PHF21B: variants seen among roughly 807,000 people sequenced by gnomAD.
The protein encoded by PHF21B is PHD finger protein 4.
PHF21B carries 22 observed loss-of-function variants against 62.2 expected under a neutral mutation model. The ratio of observed to expected loss-of-function variants is 0.35; its 90% CI spans 0.25 to 0.51. PHF21B has a LOEUF of 0.51. Among genes scored for constraint, PHF21B ranks in the 20% least tolerant of loss-of-function variants. PHF21B has a pLI of 0.97. For synonymous variants in PHF21B, 341 were observed against 314.7 expected, an observed-to-expected ratio of 1.08 and a Z score of -0.88; for missense variants, 701 against 707.9, an observed-to-expected ratio of 0.99 and a Z score of 0.11.
chr22:44,925,747 T>G (rs1474368486), intron 2 of PHF21B, among the ~76,000 whole-genome samples: 1 of 152,092 alleles, frequency 6.6e-6, no homozygotes, highest in Non-Finnish European at 1.5e-5. Flanking sequence ...CCTCCCCTAA[T>G]GCATGTCTCA....
intron 2 of PHF21B, among the ~76,000 whole-genome samples, chr22:44,944,085 G>C: frequency 6.6e-6 from 1 of 152,178 alleles, no homozygotes; most frequent in East Asian, 1.9e-4. Context: ...TCGGTAAGAT[G>C]CTGAGCCCCG....
intron 5 of PHF21B, among the ~76,000 whole-genome samples, chr22:44,897,139 T>C (rs1033780362): frequency 6.6e-6 from 1 of 152,136 alleles, no homozygotes; most frequent in Non-Finnish European, 1.5e-5. Flanking sequence ...CCCAAAGTGC[T>C]GGTATTATAG....
At chr22:44,976,687 C>T (rs1046168557) in intron 2 of PHF21B, among the ~76,000 whole-genome samples, 2 of 152,220 alleles carry the variant, frequency 1.3e-5, no homozygotes, top group Admixed American at 1.3e-4. Context: ...TGTACTAAAG[C>T]ACAGAATTTC....
At chr22:44,952,285 G>A (rs1024028828) in intron 2 of PHF21B, among the ~76,000 whole-genome samples, 5 of 152,232 alleles carry the variant, frequency 3.3e-5, no homozygotes, top group African/African-American at 1.2e-4. Flanking sequence ...GGAGGTTGCA[G>A]TGAGCCGAGA....
chr22:44,989,990 C>T (rs1045795462), intron 2 of PHF21B, among the ~76,000 whole-genome samples: 1 of 152,232 alleles, frequency 6.6e-6, no homozygotes, highest in Non-Finnish European at 1.5e-5. Flanking sequence ...CACAGGCACG[C>T]TCTTCATAAA....
At chr22:44,975,333 G>A (rs1569267261) in intron 2 of PHF21B, among the ~76,000 whole-genome samples, 1 of 152,108 alleles carries the variant, frequency 6.6e-6, no homozygotes, top group Admixed American at 6.5e-5. Flanking sequence ...CCGTGACACT[G>A]TTCCTTCCGG....
chr22:45,000,726 C>CA (rs1601698291), intron 2 of PHF21B: 1 of 152,170 alleles, frequency 6.6e-6, no homozygotes, highest in East Asian at 1.9e-4. Flanking sequence ...TTTACGGGGG[C>CA]AAAAAGCAAC....
rs1210330725 is a variant in PHF21B at position 45,009,644 on chromosome 22, C to G, written c.-95G>C. On this transcript the variant is annotated 5_prime_UTR_variant, in exon 1 of 13. Transcript: ENST00000313237. The surrounding 1 kb of genome is among the most constrained non-coding windows in gnomAD (Gnocchi z 5.9). ...GGGCCAGAGCGGGCGCGGGCGGACGCGGCCTCCGGGCTGGGTTGGGGGGGA... is the reference window on the plus strand; with the variant it reads ...GGGCCAGAGCGGGCGCGGGCGGACGGGGCCTCCGGGCTGGGTTGGGGGGGA... The G allele has an allele frequency of 8.0e-7, 1 of 1,257,480 alleles. No homozygotes were observed. The highest frequency in any genetic ancestry group is 1.6e-5 in the South Asian group (1 of 61,250). The allele number at this position is 1,257,480 out of a possible 1,614,324, so 77.9% of individuals were successfully genotyped here. A position where few individuals can be genotyped will look rare whatever the true frequency, so the allele number is the denominator to read the frequency against.
chr22:44,931,414 G>A (rs2071739042), intron 2 of PHF21B, among the ~76,000 whole-genome samples: 1 of 152,138 alleles, frequency 6.6e-6, no homozygotes, highest in East Asian at 1.9e-4. Context: ...AGGCTGCCCA[G>A]GGCCACTTAA....
intron 8 of PHF21B, among the ~76,000 whole-genome samples, chr22:44,890,952 C>A (rs2070952442): frequency 6.6e-6 from 1 of 152,244 alleles, no homozygotes; most frequent in Non-Finnish European, 1.5e-5. Context: ...GCCAGCCCAG[C>A]CCAGGGGTAT....
At chr22:44,908,082 G>A (rs368053886) in intron 5 of PHF21B, among the ~76,000 whole-genome samples, 3 of 152,294 alleles carry the variant, frequency 2.0e-5, no homozygotes, top group South Asian at 2.1e-4. Flanking sequence ...CCAAAGTATC[G>A]GGCAGCCTCT....
chr22:44,899,185 G>T (rs2071111378), intron 5 of PHF21B, among the ~76,000 whole-genome samples: 1 of 151,910 alleles, frequency 6.6e-6, no homozygotes, highest in South Asian at 2.1e-4. Flanking sequence ...TGGTGGATTT[G>T]CTGGAATGTT....
chr22:44,984,196 ACCAC>A (rs2147485397), intron 2 of PHF21B, among the ~76,000 whole-genome samples: 2 of 148,042 alleles, frequency 1.4e-5, no homozygotes, highest in Non-Finnish European at 3.0e-5. Context: ...CATCATCACC[ACCAC>A]TACCACCATC....
chr22:44,986,982 G>GCAGA (rs1350874055), intron 2 of PHF21B, among the ~76,000 whole-genome samples: 2 of 152,244 alleles, frequency 1.3e-5, no homozygotes, highest in Non-Finnish European at 2.9e-5. Context: ...CCAGCTCCAA[G>GCAGA]CAGAGCAGCT....
At position 44,888,952 on chromosome 22, in the gene PHF21B, C is replaced by T. The variant is rs935843696; in HGVS notation, c.1038+808G>A. Among the ~76,000 whole-genome samples, 189 of 152,348 alleles carry T rather than the reference C, an allele frequency of 1.2e-3. 3 individuals are homozygous for T. Among genetic ancestry groups the T allele is most frequent in the African/African-American group, 4.5e-3 (186 of 41,572 alleles). On this transcript the variant is annotated intron_variant, in intron 9 of 12. Coordinates refer to ENST00000313237, the MANE Select transcript of PHF21B (RefSeq NM_138415.5). Reference sequence around the variant, plus strand: ...GGGCTCTGTGGGGACAGAGCTCAGGCTCCAGGTGTCCCCTGTCCACATGCC... The same window carrying T: ...GGGCTCTGTGGGGACAGAGCTCAGGTTCCAGGTGTCCCCTGTCCACATGCC...
At chr22:44,920,320 T>C (rs1281045375) in intron 3 of PHF21B, 78 bp downstream of exon 3, 9 of 1,218,670 alleles carry the variant, frequency 7.4e-6, no homozygotes, top group Non-Finnish European at 9.0e-6. Flanking sequence ...ACCAGAAACC[T>C]CAGTGCTGAG....
At chr22:44,944,023 G>A (rs1428660083) in intron 2 of PHF21B, among the ~76,000 whole-genome samples, 4 of 152,142 alleles carry the variant, frequency 2.6e-5, no homozygotes, top group African/African-American at 7.2e-5. Flanking sequence ...CCTGGGGTCC[G>A]AAAACCTGGC....
chr22:45,009,463 C>CCCCGGCCCCGGG lies in PHF21B; in HGVS notation c.54+21_54+32dup, dbSNP rs779527186. On this transcript the variant is annotated intron_variant, in intron 1 of 12. Transcript: ENST00000313237. The surrounding 1 kb of genome is among the most constrained non-coding windows in gnomAD (Gnocchi z 5.9). Reference sequence around the variant, plus strand: ...CGACCCCCTCACCCCGCAACACACTCCCCGGCCCCGGGCCCGGCCCCCGGC... The same window carrying CCCCGGCCCCGGG: ...CGACCCCCTCACCCCGCAACACACTCCCCGGCCCCGGGCCCGGCCCCGGGCCCGGCCCCCGGC... The CCCCGGCCCCGGG allele has an allele frequency of 8.5e-6, 13 of 1,522,888 alleles. No individual in the cohort carries two copies. Among genetic ancestry groups the CCCCGGCCCCGGG allele is most frequent in the South Asian group, 8.5e-5 (7 of 82,792 alleles). The allele number at this position is 1,522,888 out of a possible 1,614,324, so 94.3% of individuals were successfully genotyped here. A position where few individuals can be genotyped will look rare whatever the true frequency, so the allele number is the denominator to read the frequency against.
intron 2 of PHF21B, among the ~76,000 whole-genome samples, chr22:44,973,579 G>C (rs1020351218): frequency 4.6e-5 from 7 of 152,146 alleles, no homozygotes; most frequent in Non-Finnish European, 7.4e-5. Context: ...GGCTCAGCGT[G>C]GGGTGGGGGG....
Sources: gnomAD v4.1 joint callset for allele counts (sites outside exome capture counted in the v4.1 genomes callset) on GRCh38, gnomAD v4.1.1 for gene constraint, Gnocchi (gnomAD v3.1) non-coding constraint, MANE v1.5 for transcripts, NCBI Gene and HGNC (gene_info 2026-07-23, HGNC 2026-07-21) for gene names.